Variants in ARFGEF3 observed in about 807,000 individuals in gnomAD.
ARFGEF3 encodes the protein ARFGEF family member 3.
In ARFGEF3, 96 loss-of-function variants were observed where a neutral mutation model predicts 221.7. The ratio of observed to expected loss-of-function variants is 0.43; its 90% confidence interval spans 0.37 to 0.51. ARFGEF3 has a LOEUF of 0.51. ARFGEF3 is among the 20% of genes least tolerant of loss of function. The pLI is 0.00. For missense variants in ARFGEF3, 2,410 were observed against 2,789.9 expected, an observed-to-expected ratio of 0.86 and a Z score of 3.07; for synonymous variants, 1,145 against 1,126.8, an observed-to-expected ratio of 1.02 and a Z score of -0.32.
intron 32 of ARFGEF3, among the ~76,000 whole-genome samples, chr6:138,333,279 T>TCATA (rs1780258708): frequency 6.6e-6 from 1 of 152,050 alleles, no homozygotes; most frequent in Non-Finnish European, 1.5e-5. Flanking sequence ...ATGTGATGGG[T>TCATA]CATAATAGGA....
chr6:138,226,864 G>T (rs964731005), intron 4 of ARFGEF3, among the ~76,000 whole-genome samples: 5 of 152,104 alleles, frequency 3.3e-5, no homozygotes, highest in African/African-American at 1.2e-4. Context: ...CATCATCCTG[G>T]CTAGATGCTC....
intron 2 of ARFGEF3, 24 bp from the exon 3 acceptor site, chr6:138,207,018 T>A (rs1364371215): frequency 1.3e-6 from 2 of 1,587,914 alleles, no homozygotes; most frequent in African/African-American, 2.7e-5. Flanking sequence ...GCTCACATGT[T>A]GTCCTTATTT....
At chr6:138,292,172 C>T in intron 19 of ARFGEF3, 119 bp downstream of exon 19, 1 of 859,408 alleles carries the variant, frequency 1.2e-6, no homozygotes, top group Non-Finnish European at 1.6e-6. Flanking sequence ...AAATCTCTTC[C>T]ATCTTTTTCA....
chr6:138,230,381 A>G (rs1004217571), intron 5 of ARFGEF3, among the ~76,000 whole-genome samples: 3 of 152,230 alleles, frequency 2.0e-5, no homozygotes, highest in South Asian at 2.1e-4. Flanking sequence ...GTCCAACAGA[A>G]AACTTGGCTT....
rs753166471 is a variant in ARFGEF3, at chr6:138,263,170, G to A, written c.1687G>A (p.Val563Met). 3.7e-6 allele frequency: 6 copies of A among 1,613,850 alleles called. No individual in the cohort carries two copies. Among genetic ancestry groups the A allele is most frequent in the Non-Finnish European group, 2.5e-6 (3 of 1,179,894 alleles). The change falls in exon 12 of 34, where the codon GTG becomes ATG. Residue 563 changes from valine to methionine, a missense_variant. Around this residue, in one of 5 missense-constraint regions of ARFGEF3, gnomAD observed 594 missense variants for 734.3 expected, o/e 0.81. Coordinates refer to ENST00000251691, the MANE Select transcript of ARFGEF3 (RefSeq NM_020340.5). ...AGAGGCGGTAGACCAGCCAGATGTCGTGCAGAGAAGCCACACGGTCCCTTA... is the reference window on the plus strand; with the variant it reads ...AGAGGCGGTAGACCAGCCAGATGTCATGCAGAGAAGCCACACGGTCCCTTA... ...ETEAVDQPDV[V>M]QRSHTVPYPD... is the part of the protein sequence containing the mutation.
intron 18 of ARFGEF3, among the ~76,000 whole-genome samples, chr6:138,290,228 A>C (rs1468165557): frequency 6.6e-6 from 1 of 152,212 alleles, no homozygotes; most frequent in Non-Finnish European, 1.5e-5. Flanking sequence ...CATTTTTATG[A>C]GAGAAGGAAG....
At chr6:138,289,667 G>A in intron 17 of ARFGEF3, 151 bp from the exon 18 acceptor site, 1 of 757,942 alleles carries the variant, frequency 1.3e-6, no homozygotes. Flanking sequence ...TGGTTTGCAT[G>A]ATGGTCCGCA....
At position 138,338,675 on chromosome 6, in the gene ARFGEF3, C is replaced by T. The variant is rs1281237280; in HGVS notation, c.*2189C>T. 6.6e-6 allele frequency: 1 copy of T among 152,034 alleles called. No individual in the cohort carries two copies. The highest frequency in any genetic ancestry group is 1.5e-5 in the Non-Finnish European group (1 of 68,076). 9.4% of individuals were successfully genotyped at this position (152,034 alleles called of 1,614,324 possible). ...ATTAGCCAGGTGTGGTAGGATGCACCTGTAATCCCAGCTACTTAGGAGGCC... is the reference window on the plus strand; with the variant it reads ...ATTAGCCAGGTGTGGTAGGATGCACTTGTAATCCCAGCTACTTAGGAGGCC... On this transcript the variant is annotated 3_prime_UTR_variant, in exon 34 of 34. Transcript: ENST00000251691.
chr6:138,323,603 C>A, intron 29 of ARFGEF3, 68 bp from the exon 30 acceptor site: 1 of 1,469,272 alleles, frequency 6.8e-7, no homozygotes, highest in Non-Finnish European at 9.5e-7. Context: ...AAGAGCAAAA[C>A]TCCATCTGAA....
At chr6:138,261,662 T>C (rs1778798557) in intron 11 of ARFGEF3, 23 bp downstream of exon 11, 3 of 1,401,268 alleles carry the variant, frequency 2.1e-6, no homozygotes, top group Non-Finnish European at 2.9e-6. Context: ...TCCTTTTAAG[T>C]CTTTATTGAG....
chr6:138,194,480 A>C (rs1324431601), intron 2 of ARFGEF3, among the ~76,000 whole-genome samples: 1 of 152,184 alleles, frequency 6.6e-6, no homozygotes, highest in African/African-American at 2.4e-5. Flanking sequence ...AAAATCATTA[A>C]GTAACAAAAT....
At chr6:138,209,523 C>T (rs1004205619) in intron 3 of ARFGEF3, among the ~76,000 whole-genome samples, 8 of 152,160 alleles carry the variant, frequency 5.3e-5, no homozygotes, top group African/African-American at 1.7e-4. Flanking sequence ...GATCTTGGCT[C>T]ACTGCAACCT....
intron 12 of ARFGEF3, among the ~76,000 whole-genome samples, chr6:138,276,923 C>G (rs1779108302): frequency 6.6e-6 from 1 of 152,136 alleles, no homozygotes; most frequent in Non-Finnish European, 1.5e-5. Flanking sequence ...GCCTTGGCCT[C>G]CAAAAGTGCT....
chr6:138,315,764 C>T (rs1230691236), intron 26 of ARFGEF3, among the ~76,000 whole-genome samples: 18 of 151,776 alleles, frequency 1.2e-4, no homozygotes, highest in Admixed American at 1.2e-3. Context: ...AGCAGAGAAT[C>T]GCTTGAACCC....
intron 12 of ARFGEF3, among the ~76,000 whole-genome samples, chr6:138,275,616 T>G (rs1779082635): frequency 6.6e-6 from 1 of 151,962 alleles, no homozygotes; most frequent in African/African-American, 2.4e-5. Context: ...TGGTGGTGCA[T>G]GCCTGTGATC....
intron 25 of ARFGEF3, among the ~76,000 whole-genome samples, chr6:138,313,436 C>T (rs541568717): frequency 1.3e-5 from 2 of 152,312 alleles, no homozygotes; most frequent in Non-Finnish European, 2.9e-5. Context: ...ACTGTCTTCT[C>T]AGTGAGCCCC....
At chr6:138,218,361 T>C (rs930895176) in intron 4 of ARFGEF3, 12 of 1,546,088 alleles carry the variant, frequency 7.8e-6, no homozygotes, top group African/African-American at 1.4e-5. Context: ...ATTGTGCATA[T>C]CCTCATATTT....
At chr6:138,233,698 T>C (rs1396864572) in intron 5 of ARFGEF3, among the ~76,000 whole-genome samples, 1 of 152,176 alleles carries the variant, frequency 6.6e-6, no homozygotes, top group Non-Finnish European at 1.5e-5. Context: ...TACTCTGATA[T>C]GATAGCATTA....
rs1278830438 is a variant in ARFGEF3, at chr6:138,287,200, C to T, written c.2896+16C>T. On this transcript the variant is annotated intron_variant, in intron 17 of 33. Coordinates refer to ENST00000251691, the MANE Select transcript of ARFGEF3 (RefSeq NM_020340.5). ...ATCACACAAGGTAACAACTGGAGGG[C>T]CAGAACCCACCTGGTGCCTTGGGTG... 1.9e-6 allele frequency: 3 copies of T among 1,542,388 alleles called. No individual in the cohort carries two copies. Among genetic ancestry groups the T allele is most frequent in the East Asian group, 2.4e-5 (1 of 41,106 alleles).
Sources: gnomAD v4.1 joint callset for allele counts (sites outside exome capture counted in the v4.1 genomes callset) on GRCh38, gnomAD v4.1.1 for gene constraint, gnomAD v4.1.1 regional missense constraint, MANE v1.5 for transcripts, NCBI Gene and HGNC (gene_info 2026-07-23, HGNC 2026-07-21) for gene names.